The following HS3ST3A1 variants were observed in gnomAD, a reference collection of about 807,000 sequenced individuals.
HS3ST3A1 encodes the protein heparan sulfate-glucosamine 3-sulfotransferase 3A1.
Under a neutral mutation model 25.7 loss-of-function variants are expected in HS3ST3A1, and 19 were observed. That is an observed-to-expected ratio of 0.74 (90% CI 0.52 to 1.08). The LOEUF is 1.08. Ranked by LOEUF, HS3ST3A1 falls within the 50% of genes least tolerant of loss-of-function variation. The probability of loss-of-function intolerance (pLI) is 0.00; values close to 1 mark genes in which losing one functional copy is unlikely to be tolerated. For missense variants in HS3ST3A1, 459 were observed against 594.3 expected (o/e 0.77, Z 2.37); for synonymous variants, 226 against 278.6 (o/e 0.81, Z 1.88).
rs1470103288 is a variant in HS3ST3A1 at position 13,588,151 on chromosome 17, A to AAC, written c.599+12379_599+12380insGT. Among the ~76,000 whole-genome samples the AAC allele has an allele frequency of 2.4e-4, 37 of 152,272 alleles. 1 individual carries two copies. The highest frequency in any genetic ancestry group is 3.4e-3 in the Middle Eastern group (1 of 294). On this transcript the variant is annotated intron_variant, in intron 1 of 1. Transcript: ENST00000284110. ...TAAAGTTTTATTGGAACACAGCCAC[A>AAC]CGTATTCATTTACATATCGTCTGTG...
intron 1 of HS3ST3A1, among the ~76,000 whole-genome samples, chr17:13,528,231 T>C (rs934573502): frequency 6.6e-6 from 1 of 152,154 alleles, no homozygotes; most frequent in Non-Finnish European, 1.5e-5. Context: ...CTTCTGGACA[T>C]GTGGGTCAAG....
chr17:13,580,018 C>CA (rs1908070391), intron 1 of HS3ST3A1, among the ~76,000 whole-genome samples: 1 of 128,492 alleles, frequency 7.8e-6, no homozygotes, highest in Admixed American at 7.6e-5. Flanking sequence ...AAAAACAAAA[C>CA]AAAAGCAAGG....
intron 1 of HS3ST3A1, among the ~76,000 whole-genome samples, chr17:13,570,248 C>T (rs939207898): frequency 2.6e-5 from 4 of 152,162 alleles, no homozygotes; most frequent in African/African-American, 9.7e-5. Context: ...AGGACCTTCT[C>T]CATGCTATTT....
chr17:13,559,115 C>A lies in HS3ST3A1; in HGVS notation c.599+41416G>T, dbSNP rs187586788. Among the ~76,000 whole-genome samples, 9 of 152,312 alleles carry A rather than the reference C, an allele frequency of 5.9e-5. No homozygotes were observed. In the East Asian group the frequency reaches 1.7e-3, roughly 29 times the overall value. ...ATTATGTAAAACAAGGAATACAAAT[C>A]TGGAACACTGTTGTGTAAAACAATG... On this transcript the variant is annotated intron_variant, in intron 1 of 1. Transcript: ENST00000284110.
At chr17:13,540,610 CCAGATAT>C (rs760191684) in intron 1 of HS3ST3A1, among the ~76,000 whole-genome samples, 2 of 152,180 alleles carry the variant, frequency 1.3e-5, no homozygotes, top group Non-Finnish European at 2.9e-5. Flanking sequence ...CGTTGGAAGA[CCAGATAT>C]CACTTTCAAA....
intron 1 of HS3ST3A1, among the ~76,000 whole-genome samples, chr17:13,503,444 A>G (rs1378733403): frequency 6.6e-6 from 1 of 152,148 alleles, no homozygotes; most frequent in South Asian, 2.1e-4. Context: ...AATGCTCACA[A>G]CACTAAAAAG....
intron 1 of HS3ST3A1, among the ~76,000 whole-genome samples, chr17:13,526,007 A>G (rs1906403515): frequency 6.6e-6 from 1 of 152,044 alleles, no homozygotes; most frequent in African/African-American, 2.4e-5. Flanking sequence ...GCTGTACTTG[A>G]CATGATATCC....
intron 1 of HS3ST3A1, among the ~76,000 whole-genome samples, chr17:13,500,366 C>A (rs1029679): frequency 0.2 from 30,271 of 152,014 alleles, 3,155 homozygotes; most frequent in East Asian, 0.29. Context: ...ACTTTTGCAC[C>A]AACCTAATAC....
At position 13,495,922 on chromosome 17, in the gene HS3ST3A1, C is replaced by T. The variant is rs924460743; in HGVS notation, c.*275G>A. On this transcript the variant is annotated 3_prime_UTR_variant, in exon 2 of 2. Transcript: ENST00000284110. The stretch of plus-strand genomic sequence containing the variant: ...ATTTTCTGAAAACTTTTAATGACAA[C>T]TGATGCTTATACTTTATGACTGGGT... The T allele has an allele frequency of 3.4e-6, 1 of 294,248 alleles. No homozygotes were observed. Among genetic ancestry groups the T allele is most frequent in the Non-Finnish European group, 6.1e-6 (1 of 162,844 alleles). 18.2% of individuals were successfully genotyped at this position (294,248 alleles called of 1,614,324 possible).
Position 13,534,547 on chromosome 17 carries a change from C to CAAAAAAAAAAAAAAA in HS3ST3A1, c.600-37744_600-37730dup, listed in dbSNP as rs34383911. 7.3e-4 allele frequency among the ~76,000 whole-genome samples: 24 copies of CAAAAAAAAAAAAAAA among 32,826 alleles called. 1 individual carries two copies. The highest frequency in any genetic ancestry group is 1.4e-3 in the East Asian group (1 of 714). The allele number at this position is 32,826 out of a possible 152,430, so 21.5% of individuals were successfully genotyped here. ...GGTGAAACTTCATCTCTACAAAATC[C>CAAAAAAAAAAAAAAA]AAAAAAAAAAAAAAAAAAAAAAAAA... On this transcript the variant is annotated intron_variant, in intron 1 of 1. Transcript: ENST00000284110.
At chr17:13,599,646 G>C (rs1191919987) in intron 1 of HS3ST3A1, among the ~76,000 whole-genome samples, 1 of 152,116 alleles carries the variant, frequency 6.6e-6, no homozygotes, top group Non-Finnish European at 1.5e-5. Flanking sequence ...AGCTTTATTA[G>C]AATCTGGCTG....
intron 1 of HS3ST3A1, among the ~76,000 whole-genome samples, chr17:13,557,467 C>A (rs56188343): frequency 0.54 from 77,477 of 143,740 alleles, 21,091 homozygotes; most frequent in South Asian, 0.66. Context: ...ACAACAACAA[C>A]AAAAAAACCC....
intron 1 of HS3ST3A1, among the ~76,000 whole-genome samples, chr17:13,556,310 C>T (rs1567622896): frequency 6.7e-6 from 1 of 150,118 alleles, no homozygotes; most frequent in Non-Finnish European, 1.5e-5. Flanking sequence ...CAGGGCAGAC[C>T]ACCCTGGCTA....
chr17:13,506,042 A>AG (rs1279087404), intron 1 of HS3ST3A1, among the ~76,000 whole-genome samples: 1 of 151,080 alleles, frequency 6.6e-6, no homozygotes, highest in African/African-American at 2.4e-5. Context: ...AAAAAAAAAA[A>AG]AAAATTGGAT....
intron 1 of HS3ST3A1, among the ~76,000 whole-genome samples, chr17:13,597,425 G>C (rs997812864): frequency 2.6e-5 from 4 of 152,032 alleles, no homozygotes; most frequent in African/African-American, 9.7e-5. Flanking sequence ...TGAAGCTAAG[G>C]AAACTTTTTC....
intron 1 of HS3ST3A1, among the ~76,000 whole-genome samples, chr17:13,586,377 C>T (rs1274313682): frequency 1.3e-5 from 2 of 151,956 alleles, no homozygotes; most frequent in South Asian, 2.1e-4. Context: ...CGTATGCCAC[C>T]GAGAACTAGA....
At chr17:13,589,682 C>G (rs76798172) in intron 1 of HS3ST3A1, among the ~76,000 whole-genome samples, 1 of 152,180 alleles carries the variant, frequency 6.6e-6, no homozygotes, top group Non-Finnish European at 1.5e-5. Flanking sequence ...CACACACACA[C>G]GCACACACAG....
chr17:13,495,381 G>C lies in HS3ST3A1; in HGVS notation c.*816C>G, dbSNP rs1905238282. 6.6e-6 allele frequency among the ~76,000 whole-genome samples: 1 copy of C among 152,138 alleles called. No homozygotes were observed. The highest frequency in any genetic ancestry group is 2.4e-5 in the African/African-American group (1 of 41,426). On this transcript the variant is annotated 3_prime_UTR_variant, in exon 2 of 2. Coordinates refer to ENST00000284110, the MANE Select transcript of HS3ST3A1 (RefSeq NM_006042.3). ...TGTCCAGGTCTCAGTGGTTTTCTTG[G>C]ACACAACTATGTAATGAGACTGGGT...
At chr17:13,580,154 G>A (rs1339870803) in intron 1 of HS3ST3A1, among the ~76,000 whole-genome samples, 1 of 151,680 alleles carries the variant, frequency 6.6e-6, no homozygotes, top group Admixed American at 6.6e-5. Flanking sequence ...TCACTATGCT[G>A]ATAAAAATTC....
Sources: allele counts gnomAD v4.1 joint callset (sites outside exome capture counted in the v4.1 genomes callset), GRCh38; gene constraint gnomAD v4.1.1; transcripts MANE v1.5; gene names NCBI Gene and HGNC (gene_info 2026-07-23, HGNC 2026-07-21).